Variants in EML1 observed in about 807,000 individuals in gnomAD.
EML1 encodes echinoderm microtubule-associated protein-like 1.
EML1 carries 27 observed loss-of-function variants against 110.4 expected under a neutral mutation model. That is an observed-to-expected ratio of 0.24 (90% CI 0.18 to 0.34). The LOEUF is 0.34. Ranked by LOEUF, EML1 falls within the 10% of genes least tolerant of loss-of-function variation. EML1 has a pLI of 1.00. For synonymous variants in EML1, 344 were observed against 385.8 expected (o/e 0.89, Z 1.27); for missense variants, 741 against 1,030.9 (o/e 0.72, Z 3.85).
rs771529468 is a variant in EML1, at chr14:99,907,747, C to G, written c.1104+14C>G. The G allele has an allele frequency of 1.9e-6, 3 of 1,613,198 alleles. No individual in the cohort carries two copies. Among genetic ancestry groups the G allele is most frequent in the South Asian group, 1.1e-5 (1 of 90,924 alleles). On this transcript the variant is annotated intron_variant, in intron 10 of 21. Transcript: ENST00000262233. Reference sequence around the variant, plus strand: ...GCAGATGTGAAGGTCATGCTCCAAGCCTTTTTTGGGCTGCATTAACATTTT... The same window carrying G: ...GCAGATGTGAAGGTCATGCTCCAAGGCTTTTTTGGGCTGCATTAACATTTT...
At chr14:99,859,918 G>T (rs2058972684) in intron 2 of EML1, among the ~76,000 whole-genome samples, 1 of 152,106 alleles carries the variant, frequency 6.6e-6, no homozygotes, top group Non-Finnish European at 1.5e-5. Context: ...CCACTTCTAG[G>T]GTGTCTACTA....
intron 1 of EML1, among the ~76,000 whole-genome samples, chr14:99,838,161 A>G (rs2058571789): frequency 6.6e-6 from 1 of 152,196 alleles, no homozygotes; most frequent in African/African-American, 2.4e-5. Flanking sequence ...ATGCAGGGGA[A>G]TATTGTCTGA....
At chr14:99,917,152 G>C (rs375383566) in intron 15 of EML1, among the ~76,000 whole-genome samples, 1 of 152,190 alleles carries the variant, frequency 6.6e-6, no homozygotes, top group Non-Finnish European at 1.5e-5. Context: ...CACTCAGCAC[G>C]GGGAGTCAAC....
intron 3 of EML1, among the ~76,000 whole-genome samples, chr14:99,876,832 C>A (rs1270537133): frequency 1.3e-5 from 2 of 152,186 alleles, no homozygotes; most frequent in African/African-American, 4.8e-5. Flanking sequence ...CTTCTGGTGA[C>A]AGGGTCAGTG....
At chr14:99,774,375 T>C (rs1244506179) in intron 1 of EML1, among the ~76,000 whole-genome samples, 1 of 151,990 alleles carries the variant, frequency 6.6e-6, no homozygotes, top group Non-Finnish European at 1.5e-5. Flanking sequence ...GGGCCCAGAG[T>C]CACCTGGTTT....
chr14:99,928,651 ACT>A (rs1211196391), intron 17 of EML1, among the ~76,000 whole-genome samples: 1 of 152,052 alleles, frequency 6.6e-6, no homozygotes, highest in Non-Finnish European at 1.5e-5. Flanking sequence ...TACGTGGCTG[ACT>A]CTGAGCTGCT....
At chr14:99,758,716 T>G (rs533745534) in intron 1 of EML1, among the ~76,000 whole-genome samples, 1 of 152,286 alleles carries the variant, frequency 6.6e-6, no homozygotes, top group East Asian at 1.9e-4. Flanking sequence ...AAATTATGCA[T>G]TCCATACGGA....
chr14:99,850,290 A>G (rs1345719797), intron 1 of EML1: 2 of 1,288,810 alleles, frequency 1.6e-6, no homozygotes, highest in African/African-American at 3.0e-5. Context: ...GATCACGGAG[A>G]GGTTTATAGA....
intron 3 of EML1, among the ~76,000 whole-genome samples, chr14:99,867,092 C>T (rs1294301087): frequency 6.6e-6 from 1 of 152,146 alleles, no homozygotes; most frequent in Non-Finnish European, 1.5e-5. Context: ...CTCCCACCCT[C>T]CTTTTGGAGT....
intron 1 of EML1, among the ~76,000 whole-genome samples, chr14:99,809,280 A>G (rs79720604): frequency 0.03 from 4,560 of 152,312 alleles, 126 homozygotes; most frequent in African/African-American, 0.064. Context: ...CATATTTATC[A>G]AACTTTGACC....
At chr14:99,886,084 A>C (rs1388833191) in intron 4 of EML1, 2 of 266,282 alleles carry the variant, frequency 7.5e-6, no homozygotes, top group East Asian at 2.2e-4. Flanking sequence ...CCTATTTCTA[A>C]TAAAAAGCTG....
intron 1 of EML1, among the ~76,000 whole-genome samples, chr14:99,839,587 C>T (rs1036452106): frequency 9.9e-5 from 15 of 152,204 alleles, no homozygotes; most frequent in African/African-American, 3.4e-4. Context: ...ATTATCCAAC[C>T]TAAGGCTTGT....
At chr14:99,758,567 AT>A in intron 1 of EML1, among the ~76,000 whole-genome samples, 1 of 152,194 alleles carries the variant, frequency 6.6e-6, no homozygotes, top group Middle Eastern at 3.4e-3. Context: ...AGTTTTAGAG[AT>A]TAGTAGTCAT....
At chr14:99,770,779 A>ATTTTTTTTTTTTTTTGTT (rs2057417747), upstream of EML1, among the ~76,000 whole-genome samples, 1 of 91,640 alleles carries the variant, frequency 1.1e-5, no homozygotes, top group Non-Finnish European at 2.0e-5. Flanking sequence ...GTTTCCGCTG[A>ATTTTTTTTTTTTTTTGTT]TTTTTTTTTT....
At chr14:99,813,385 C>G (rs1463194363) in intron 1 of EML1, among the ~76,000 whole-genome samples, 2 of 152,098 alleles carry the variant, frequency 1.3e-5, no homozygotes, top group Non-Finnish European at 2.9e-5. Context: ...GGTAGATTAT[C>G]AAGACTGACA....
At chr14:99,838,719 C>T (rs1177716060) in intron 1 of EML1, among the ~76,000 whole-genome samples, 1 of 152,100 alleles carries the variant, frequency 6.6e-6, no homozygotes, top group Non-Finnish European at 1.5e-5. Context: ...CGCCTCATAG[C>T]AAAAGGCCAG....
intron 1 of EML1, among the ~76,000 whole-genome samples, chr14:99,795,971 C>G (rs2057763014): frequency 6.6e-6 from 1 of 152,186 alleles, no homozygotes; most frequent in African/African-American, 2.4e-5. Context: ...GGATTACTTG[C>G]AGCCAAGAGT....
chr14:99,834,950 G>A (rs151319092), intron 1 of EML1, among the ~76,000 whole-genome samples: 3,544 of 152,212 alleles, frequency 0.023, 136 homozygotes, highest in African/African-American at 0.082. Context: ...CTCCCTAGTA[G>A]CTGGGACTAG....
intron 1 of EML1, among the ~76,000 whole-genome samples, chr14:99,803,342 A>G (rs1280056794): frequency 6.6e-6 from 1 of 152,232 alleles, no homozygotes; most frequent in African/African-American, 2.4e-5. Context: ...TGTGTATAGT[A>G]TATACCACAT....
Sources: gnomAD v4.1 joint callset for allele counts (sites outside exome capture counted in the v4.1 genomes callset) on GRCh38, gnomAD v4.1.1 for gene constraint, MANE v1.5 for transcripts, NCBI Gene and HGNC (gene_info 2026-07-23, HGNC 2026-07-21) for gene names.